The following ELAC1 variants were observed in gnomAD, a reference collection of about 807,000 sequenced individuals.
ELAC1 encodes zinc phosphodiesterase ELAC protein 1.
In ELAC1, 19 loss-of-function variants were observed where a neutral mutation model predicts 25.8. The observed-to-expected ratio is 0.74, with a 90% CI of 0.51 to 1.08. The LOEUF is 1.08. Ranked by LOEUF, ELAC1 falls within the 50% of genes least tolerant of loss-of-function variation. The pLI is 0.00. For synonymous variants in ELAC1, 148 were observed against 160.9 expected (o/e 0.92, Z 0.61); for missense variants, 403 against 434.6 (o/e 0.93, Z 0.65).
intron 1 of ELAC1, chr18:50,968,928 C>G (rs1907577873): frequency 6.6e-6 from 1 of 152,172 alleles, no homozygotes; most frequent in African/African-American, 2.4e-5. Flanking sequence ...TGAATAGTAA[C>G]TGAACTCCCA....
intron 2 of ELAC1, among the ~76,000 whole-genome samples, chr18:50,975,400 G>A (rs551153304): frequency 6.7e-4 from 101 of 151,658 alleles, no homozygotes; most frequent in African/African-American, 2.4e-3. Context: ...CCTTTACTTT[G>A]TCCTATTTTT....
chr18:50,973,251 T>C (rs1471513657), intron 1 of ELAC1, among the ~76,000 whole-genome samples: 1 of 152,256 alleles, frequency 6.6e-6, no homozygotes, highest in African/African-American at 2.4e-5. Flanking sequence ...TAAGCTTCTT[T>C]GTTTTCTTCC....
chr18:50,976,447 G>A (rs969815749), intron 2 of ELAC1, among the ~76,000 whole-genome samples: 2 of 152,184 alleles, frequency 1.3e-5, no homozygotes, highest in Non-Finnish European at 2.9e-5. Flanking sequence ...TTACGTGGTG[G>A]CAGGCAAGAA....
chr18:50,976,494 A>G (rs1907798692), intron 2 of ELAC1, among the ~76,000 whole-genome samples: 1 of 152,196 alleles, frequency 6.6e-6, no homozygotes, highest in South Asian at 2.1e-4. Context: ...TCAACCCGTC[A>G]GATCTCATGA....
chr18:50,981,803 T>G (rs1907955987), intron 2 of ELAC1, among the ~76,000 whole-genome samples: 1 of 151,912 alleles, frequency 6.6e-6, no homozygotes, highest in South Asian at 2.1e-4. Context: ...TGGTAGTTTT[T>G]AGGCCACTGG....
At chr18:50,977,047 C>A (rs1393212778) in intron 2 of ELAC1, among the ~76,000 whole-genome samples, 1 of 152,218 alleles carries the variant, frequency 6.6e-6, no homozygotes, top group Non-Finnish European at 1.5e-5. Context: ...TTGTCTTGGG[C>A]AGCTCTACTC....
chr18:50,971,908 G>A lies in ELAC1; in HGVS notation c.-8-2489G>A, dbSNP rs866154301. Among the ~76,000 whole-genome samples the A allele has an allele frequency of 7.1e-3, 905 of 127,050 alleles. 9 individuals carry two copies. Among genetic ancestry groups the A allele is most frequent in the African/African-American group, 0.022 (637 of 29,464 alleles). 83.3% of individuals were successfully genotyped at this position (127,050 alleles called of 152,430 possible). A position where few individuals can be genotyped will look rare whatever the true frequency, so the allele number is the denominator to read the frequency against. ...TATATATGTATATATGTGTGTGTGT[G>A]TGTGTATATATATATATATATATAT... On this transcript the variant is annotated intron_variant, in intron 1 of 3. Coordinates refer to ENST00000269466, the MANE Select transcript of ELAC1 (RefSeq NM_018696.3).
intron 2 of ELAC1, among the ~76,000 whole-genome samples, chr18:50,975,035 G>A (rs1051754444): frequency 2.0e-5 from 3 of 152,138 alleles, no homozygotes; most frequent in Non-Finnish European, 4.4e-5. Context: ...CAGGGCTGAG[G>A]AGAAGAAGGG....
At chr18:50,980,169 C>T (rs958717627) in intron 2 of ELAC1, among the ~76,000 whole-genome samples, 7 of 152,000 alleles carry the variant, frequency 4.6e-5, no homozygotes, top group African/African-American at 1.7e-4. Context: ...GAGACTCCAT[C>T]TTTACAAGAA....
chr18:50,975,663 C>A (rs750717281), intron 2 of ELAC1, among the ~76,000 whole-genome samples: 4 of 151,896 alleles, frequency 2.6e-5, no homozygotes, highest in Admixed American at 2.6e-4. Flanking sequence ...GTATTGAAGT[C>A]ATTATTCCTA....
At position 50,987,081 on chromosome 18, in the gene ELAC1, A is replaced by G. The variant is rs764729973; in HGVS notation, c.1088A>G (p.Lys363Arg). ...ATGGTGATAAGCATTCCAATCAAGA[A>G]ATGAAACCAGTGTTCCTGAGTGCAC... Reference protein sequence around the residue: ...DFMVISIPIKK With the variant: ...DFMVISIPIKR Residue 363 changes from lysine (K) to arginine (R), a missense_variant, in exon 4 of 4, where the codon AAA becomes AGA. Transcript: ENST00000269466. 3 of 1,533,176 alleles carry G rather than the reference A, an allele frequency of 2.0e-6. No individual in the cohort carries two copies. In the South Asian group the frequency reaches 3.8e-5, roughly 20 times the overall value. The allele number at this position is 1,533,176 out of a possible 1,614,324, so 95.0% of individuals were successfully genotyped here.
In ELAC1 at chr18:50,968,445, G is replaced by A. The variant is rs144715831; in HGVS notation, c.-9+331G>A. 380 of 152,506 alleles carry A rather than the reference G, an allele frequency of 2.5e-3. 2 individuals are homozygous for A. The highest frequency in any genetic ancestry group is 0.02 in the Middle Eastern group (6 of 294). 9.4% of individuals were successfully genotyped at this position (152,506 alleles called of 1,614,324 possible). On this transcript the variant is annotated intron_variant, in intron 1 of 3. Transcript: ENST00000269466. ...CGGTTCTTTCAGCTCTAAGATGGAG[G>A]ACAGCGATATCTGCCCTAGGCACAC... is the stretch of plus-strand genomic sequence containing the variant.
At position 50,984,355 on chromosome 18, in the gene ELAC1, G is replaced by T. The variant is rs146406776; in HGVS notation, c.417G>T (p.Ala139=). ...CTGCAGAAGAACTAAAAGAATTTGC[G>T]CATGTGAATAGAGCAGACAGTCCTC... The part of the protein sequence containing the change: ...QCPAEELKEF[A]HVNRADSPPK... The change falls in exon 3 of 4, where the codon GCG becomes GCT. Residue 139 remains alanine, a synonymous_variant. Transcript: ENST00000269466. The T allele has an allele frequency of 1.9e-6, 3 of 1,614,176 alleles. No individual in the cohort carries two copies. Among genetic ancestry groups the T allele is most frequent in the Non-Finnish European group, 2.5e-6 (3 of 1,180,036 alleles).
At chr18:50,985,901 A>G (rs971466642) in intron 3 of ELAC1, among the ~76,000 whole-genome samples, 2 of 152,080 alleles carry the variant, frequency 1.3e-5, no homozygotes, top group Admixed American at 1.3e-4. Flanking sequence ...CTAATAATGT[A>G]CAATTGCCTG....
chr18:50,969,839 T>G (rs1907599568), intron 1 of ELAC1: 1 of 152,210 alleles, frequency 6.6e-6, no homozygotes, highest in African/African-American at 2.4e-5. Flanking sequence ...GTCTGAAGTT[T>G]TTCAGAATAA....
At chr18:50,968,239 C>A (rs569226270) in intron 1 of ELAC1, 125 bp downstream of exon 1, 1 of 151,994 alleles carries the variant, frequency 6.6e-6, no homozygotes. Flanking sequence ...GGACGCGCCT[C>A]GTTCACCGCC....
intron 2 of ELAC1, among the ~76,000 whole-genome samples, chr18:50,983,427 A>G (rs1908013290): frequency 6.6e-6 from 1 of 151,870 alleles, no homozygotes; most frequent in Non-Finnish European, 1.5e-5. Flanking sequence ...GGTCTCCCAA[A>G]GTGCTGGGAT....
chr18:50,984,599 T>A, intron 3 of ELAC1, 36 bp downstream of exon 3: 1 of 1,465,904 alleles, frequency 6.8e-7, no homozygotes, highest in South Asian at 1.2e-5. Flanking sequence ...TTTCCCGCCT[T>A]CTCATCAATA....
chr18:50,971,327 T>C (rs1907645842), intron 1 of ELAC1, among the ~76,000 whole-genome samples: 1 of 152,216 alleles, frequency 6.6e-6, no homozygotes, highest in South Asian at 2.1e-4. Context: ...TCATCCTGGT[T>C]AGCACTGACT....
Sources: gnomAD v4.1 joint callset for allele counts (sites outside exome capture counted in the v4.1 genomes callset) on GRCh38, gnomAD v4.1.1 for gene constraint, MANE v1.5 for transcripts, NCBI Gene and HGNC (gene_info 2026-07-23, HGNC 2026-07-21) for gene names.